RBFOX3: variants seen among roughly 807,000 people sequenced by gnomAD.
The protein encoded by RBFOX3 is RNA binding fox-1 homolog 3.
Under a neutral mutation model 48.7 loss-of-function variants are expected in RBFOX3, and 17 were observed. That is an observed-to-expected ratio of 0.35 (90% CI 0.24 to 0.52). The LOEUF is 0.52. Among genes scored for constraint, RBFOX3 ranks in the 20% least tolerant of loss-of-function variants. RBFOX3 has a pLI of 0.94. For synonymous variants in RBFOX3, 212 were observed against 209.5 expected, an observed-to-expected ratio of 1.01 and a Z score of -0.10; for missense variants, 382 against 497.5, an observed-to-expected ratio of 0.77 and a Z score of 2.21.
the RBFOX3 span, among the ~76,000 whole-genome samples, chr17:79,650,300 G>A: frequency 4.6e-5 from 7 of 152,186 alleles, no homozygotes; most frequent in East Asian, 1.9e-4. Flanking sequence ...TGCCCGGGCC[G>A]AGGGAGAAGG....
intron 1 of RBFOX3, among the ~76,000 whole-genome samples, chr17:79,495,733 G>C (rs2081420664): frequency 6.8e-6 from 1 of 148,096 alleles, no homozygotes; most frequent in Non-Finnish European, 1.5e-5. Flanking sequence ...GGAGGGAGGT[G>C]GGGGAGAGGG....
At chr17:79,128,357 C>T (rs989314810) in intron 4 of RBFOX3, among the ~76,000 whole-genome samples, 10 of 152,164 alleles carry the variant, frequency 6.6e-5, no homozygotes, top group South Asian at 2.1e-4. Context: ...GCGTTTTCTA[C>T]GACCCACTGA....
intron 4 of RBFOX3, among the ~76,000 whole-genome samples, chr17:79,165,291 G>A (rs962185559): frequency 7.2e-5 from 11 of 152,206 alleles, no homozygotes; most frequent in Non-Finnish European, 7.3e-5. Flanking sequence ...GAAAAAACCC[G>A]AGTTTCTCAT....
At chr17:79,623,562 C>G in the RBFOX3 span, among the ~76,000 whole-genome samples, 2 of 152,118 alleles carry the variant, frequency 1.3e-5, no homozygotes, top group African/African-American at 4.8e-5. Context: ...CCTGTAATCC[C>G]AGCACTTTGG....
At chr17:79,183,243 G>C (rs1055386931) in intron 4 of RBFOX3, 2 of 151,552 alleles carry the variant, frequency 1.3e-5, no homozygotes, top group Non-Finnish European at 1.5e-5. Context: ...GGGGGCCGGG[G>C]CCGGGCGGGG....
intron 3 of RBFOX3, among the ~76,000 whole-genome samples, chr17:79,305,762 G>A (rs891871063): frequency 1.3e-5 from 2 of 152,230 alleles, no homozygotes; most frequent in African/African-American, 4.8e-5. Flanking sequence ...GACTTTAATT[G>A]CATTGAGTGA....
chr17:79,588,790 A>G (rs1384239214), intron 1 of RBFOX3, among the ~76,000 whole-genome samples: 4 of 150,264 alleles, frequency 2.7e-5, no homozygotes, highest in African/African-American at 9.9e-5. Context: ...GACCTGGGCC[A>G]TATAGTGAGA....
chr17:79,157,490 C>T (rs2046076824), intron 4 of RBFOX3, among the ~76,000 whole-genome samples: 2 of 152,218 alleles, frequency 1.3e-5, no homozygotes, highest in South Asian at 4.1e-4. Flanking sequence ...CAAATCTAGC[C>T]CACAGCGAGA....
chr17:79,541,144 C>T (rs1186735240), intron 1 of RBFOX3, among the ~76,000 whole-genome samples: 1 of 152,042 alleles, frequency 6.6e-6, no homozygotes, highest in African/African-American at 2.4e-5. Context: ...ATAAAAAGAG[C>T]CCAAGCCACA....
At chr17:79,565,582 C>A (rs1313379532) in intron 1 of RBFOX3, among the ~76,000 whole-genome samples, 1 of 152,164 alleles carries the variant, frequency 6.6e-6, no homozygotes, top group Admixed American at 6.5e-5. Context: ...CGCAATTGAT[C>A]CGCCCACCTT....
At chr17:79,465,765 A>G (rs2076226411) in intron 2 of RBFOX3, among the ~76,000 whole-genome samples, 1 of 152,206 alleles carries the variant, frequency 6.6e-6, no homozygotes, top group Non-Finnish European at 1.5e-5. Context: ...GCAGGTAGCC[A>G]TGCTTCAGCC....
intron 4 of RBFOX3, among the ~76,000 whole-genome samples, chr17:79,123,823 G>A (rs1437295016): frequency 6.6e-6 from 1 of 152,218 alleles, no homozygotes; most frequent in Non-Finnish European, 1.5e-5. Flanking sequence ...ATGCAGGTGG[G>A]GACGTGCAGG....
At chr17:79,502,316 A>G (rs1769681522) in intron 1 of RBFOX3, among the ~76,000 whole-genome samples, 1 of 152,150 alleles carries the variant, frequency 6.6e-6, no homozygotes. Context: ...CCAAATTCAT[A>G]GAGAAGGAAA....
intron 4 of RBFOX3, among the ~76,000 whole-genome samples, chr17:79,223,796 AGT>A (rs1449406360): frequency 6.6e-5 from 10 of 152,224 alleles, no homozygotes; most frequent in African/African-American, 2.4e-4. Context: ...GCTCTGTGGC[AGT>A]GCGCCCCCCC....
the RBFOX3 span, among the ~76,000 whole-genome samples, chr17:79,640,234 A>G: frequency 1.3e-5 from 2 of 152,176 alleles, no homozygotes; most frequent in African/African-American, 4.8e-5. Flanking sequence ...AAAAAGACTT[A>G]GGAATAAACT....
chr17:79,295,463 G>A (rs1048302178), intron 3 of RBFOX3, among the ~76,000 whole-genome samples: 16 of 152,182 alleles, frequency 1.1e-4, no homozygotes, highest in Non-Finnish European at 2.1e-4. Context: ...TCCACTTTGG[G>A]TGGGAGCCAG....
At position 79,252,722 on chromosome 17, in the gene RBFOX3, C is replaced by T. The variant is rs566581078; in HGVS notation, c.-73-16917G>A. 1.2e-4 allele frequency among the ~76,000 whole-genome samples: 19 copies of T among 152,340 alleles called. No individual in the cohort carries two copies. Among genetic ancestry groups the T allele is most frequent in the Non-Finnish European group, 7.3e-5 (5 of 68,036 alleles). ...TTGGAAAGTTCTCAGCGTCACATCG[C>T]TCTGGCTGTGTTGACCACTCCCAGC... On this transcript the variant is annotated intron_variant, in intron 3 of 14. Transcript: ENST00000693108. This position sits in a 1 kb window ranked among gnomAD's most constrained non-coding sequence, Gnocchi z 4.0.
intron 2 of RBFOX3, among the ~76,000 whole-genome samples, chr17:79,415,173 C>A (rs921149992): frequency 1.3e-5 from 2 of 152,200 alleles, no homozygotes; most frequent in South Asian, 4.1e-4. Context: ...ACGAGGACCG[C>A]CTTTGCCGAG....
At chr17:79,521,964 C>T (rs1031597681) in intron 1 of RBFOX3, among the ~76,000 whole-genome samples, 1 of 152,256 alleles carries the variant, frequency 6.6e-6, no homozygotes, top group East Asian at 1.9e-4. Context: ...GACTCAGGGC[C>T]AGAGTGAGCG....
Sources: allele counts gnomAD v4.1 joint callset (sites outside exome capture counted in the v4.1 genomes callset), GRCh38; gene constraint gnomAD v4.1.1; non-coding constraint Gnocchi (gnomAD v3.1); transcripts MANE v1.5; gene names NCBI Gene and HGNC (gene_info 2026-07-23, HGNC 2026-07-21).